Variants in SLC2A5 observed in about 807,000 individuals in gnomAD.
SLC2A5 encodes solute carrier family 2, facilitated glucose transporter member 5.
Under a neutral mutation model 50.3 loss-of-function variants are expected in SLC2A5, and 56 were observed. That is an observed-to-expected ratio of 1.11 (90% confidence interval 0.90 to 1.39). The LOEUF (loss-of-function observed/expected upper bound fraction) is 1.39, where lower values mean the gene tolerates loss of function less well. SLC2A5 is among the 40% of genes most tolerant of loss of function. The pLI is 0.00. For missense variants in SLC2A5, 566 were observed against 650.1 expected, an observed-to-expected ratio of 0.87 and a Z score of 1.41; for synonymous variants, 269 against 281.9, an observed-to-expected ratio of 0.95 and a Z score of 0.46.
At chr1:9,089,085 C>T (rs1642436072), upstream of SLC2A5, among the ~76,000 whole-genome samples, 1 of 152,194 alleles carries the variant, frequency 6.6e-6, no homozygotes, top group African/African-American at 2.4e-5. Context: ...TCAGCTGAAA[C>T]ACACGCAGAT....
intron 3 of SLC2A5, among the ~76,000 whole-genome samples, chr1:9,054,655 C>T (rs770022): frequency 0.046 from 7,064 of 152,190 alleles, 183 homozygotes; most frequent in Middle Eastern, 0.15. Flanking sequence ...CTAGGCGTAG[C>T]GGTTCGTGCC....
chr1:9,044,344 A>G (rs1042853111), intron 4 of SLC2A5, among the ~76,000 whole-genome samples: 1 of 151,810 alleles, frequency 6.6e-6, no homozygotes, highest in African/African-American at 2.4e-5. Flanking sequence ...CAAACAAACA[A>G]ACAAACAAAA....
chr1:9,041,711 G>A, intron 5 of SLC2A5, 74 bp downstream of exon 5: 1 of 1,612,802 alleles, frequency 6.2e-7, no homozygotes, highest in Non-Finnish European at 8.5e-7. Flanking sequence ...TGTGGTGGTG[G>A]CTTTGGAACA....
At chr1:9,084,977 GCCCCAAGGC>G (rs1266083269) in intron 2 of SLC2A5, 1 of 152,344 alleles carries the variant, frequency 6.6e-6, no homozygotes, top group Non-Finnish European at 1.5e-5. Flanking sequence ...ATTCCTCCCG[GCCCCAAGGC>G]CTCTGTGCCC....
chr1:9,060,798 G>T (rs943888114), intron 1 of SLC2A5, among the ~76,000 whole-genome samples: 3 of 151,688 alleles, frequency 2.0e-5, no homozygotes, highest in East Asian at 3.9e-4. Context: ...TCATTCACTC[G>T]TCTATTCAGC....
intron 3 of SLC2A5, 136 bp downstream of exon 3, chr1:9,057,312 A>AG (rs377204660): frequency 0.011 from 4,298 of 389,352 alleles, 9 homozygotes; most frequent in East Asian, 0.06. Flanking sequence ...AAAAAAAAAA[A>AG]AAAGAAAGAA....
chr1:9,075,285 C>T (rs1642270028), intron 2 of SLC2A5, among the ~76,000 whole-genome samples: 1 of 152,108 alleles, frequency 6.6e-6, no homozygotes. Context: ...TCACATCAAA[C>T]ACCTCAATTT....
chr1:9,084,676 T>G (rs1642386285), intron 2 of SLC2A5, among the ~76,000 whole-genome samples: 1 of 152,088 alleles, frequency 6.6e-6, no homozygotes, highest in Non-Finnish European at 1.5e-5. Flanking sequence ...TCACCCAGGA[T>G]CTTGAGAAAC....
chr1:9,038,013 C>T lies in SLC2A5; in HGVS notation c.1186G>A (p.Ala396Thr), dbSNP rs201775719. 5.3e-5 allele frequency: 85 copies of T among 1,613,758 alleles called. No homozygotes were observed. Among genetic ancestry groups the T allele is most frequent in the East Asian group, 2.0e-4 (9 of 44,880 alleles). ...AGGAAGATCTCAGTGATGAGCAGCGCGGGTATGGGACCTGTAGGGGGAGGA... is the reference window on the plus strand; with the variant it reads ...AGGAAGATCTCAGTGATGAGCAGCGTGGGTATGGGACCTGTAGGGGGAGGA... ...GHALGPSPIPALLITEIFLQS... is the reference protein window; with the variant it reads ...GHALGPSPIPTLLITEIFLQS... Residue 396 changes from alanine (A) to threonine (T), a missense_variant, in exon 11 of 12, where the codon GCG (alanine) becomes ACG (threonine). Physicochemically the swap from Ala to Thr is moderately conservative, Grantham distance 58. Coordinates refer to ENST00000377424, the MANE Select transcript of SLC2A5 (RefSeq NM_003039.3).
At chr1:9,046,170 C>A (rs772976783) in intron 4 of SLC2A5, among the ~76,000 whole-genome samples, 1 of 152,088 alleles carries the variant, frequency 6.6e-6, no homozygotes, top group Non-Finnish European at 1.5e-5. Flanking sequence ...CAGTGAGGCA[C>A]CTGGGAGGGG....
chr1:9,069,162 G>A (rs1240791473), intron 1 of SLC2A5, among the ~76,000 whole-genome samples: 1 of 152,208 alleles, frequency 6.6e-6, no homozygotes, highest in African/African-American at 2.4e-5. Flanking sequence ...AACGAAAGCA[G>A]AGCGAAACAT....
intron 1 of SLC2A5, among the ~76,000 whole-genome samples, chr1:9,060,718 C>G: frequency 6.7e-6 from 1 of 149,604 alleles, no homozygotes; most frequent in Admixed American, 6.7e-5. Context: ...CACAGCCCAC[C>G]CCCCACACAC....
upstream of SLC2A5, among the ~76,000 whole-genome samples, chr1:9,093,111 C>T (rs12405816): frequency 0.22 from 33,522 of 151,880 alleles, 4,418 homozygotes; most frequent in East Asian, 0.52. Flanking sequence ...GGGAATACGC[C>T]GACAAATACT....
chr1:9,082,931 G>T (rs948016167), intron 2 of SLC2A5: 13 of 216,556 alleles, frequency 6.0e-5, no homozygotes, highest in Non-Finnish European at 8.9e-5. Flanking sequence ...GGGGGCAGGG[G>T]GAATGAGCAG....
chr1:9,070,363 G>A (rs112565204), upstream of SLC2A5, among the ~76,000 whole-genome samples: 2,362 of 152,240 alleles, frequency 0.016, 63 homozygotes, highest in African/African-American at 0.053. Context: ...TTACAGGCGT[G>A]AGCCATCGTG....
chr1:9,092,647 G>T (rs1642471408), upstream of SLC2A5, among the ~76,000 whole-genome samples: 1 of 152,120 alleles, frequency 6.6e-6, no homozygotes, highest in South Asian at 2.1e-4. Flanking sequence ...ATGGGTTGAG[G>T]CCTTTCCCAC....
intron 1 of SLC2A5, among the ~76,000 whole-genome samples, chr1:9,086,634 A>G (rs1642404562): frequency 6.6e-6 from 1 of 152,058 alleles, no homozygotes; most frequent in Non-Finnish European, 1.5e-5. Flanking sequence ...CAAGCAAGCC[A>G]CCCACCTTGG....
At chr1:9,042,817 G>C (rs1641341241) in intron 4 of SLC2A5, among the ~76,000 whole-genome samples, 1 of 152,062 alleles carries the variant, frequency 6.6e-6, no homozygotes, top group African/African-American at 2.4e-5. Flanking sequence ...ACACCTTTAA[G>C]AACAAGTTAT....
At chr1:9,053,116 A>ATATATTTATATATAATATATATTC in intron 3 of SLC2A5, among the ~76,000 whole-genome samples, 2 of 104,676 alleles carry the variant, frequency 1.9e-5, no homozygotes, top group Non-Finnish European at 3.5e-5. Context: ...AATATATATT[A>ATATATTTATATATAATATATATTC]TATATTTATA....
Sources: gnomAD v4.1 joint callset for allele counts (sites outside exome capture counted in the v4.1 genomes callset) on GRCh38, gnomAD v4.1.1 for gene constraint, MANE v1.5 for transcripts, NCBI Gene and HGNC (gene_info 2026-07-23, HGNC 2026-07-21) for gene names.